The following SQOR variants were observed in gnomAD, a reference collection of about 807,000 sequenced individuals.
The protein encoded by SQOR is sulfide:quinone oxidoreductase, mitochondrial.
A neutral mutation model predicts 48.6 loss-of-function variants in SQOR; 39 were observed. That is an observed-to-expected ratio of 0.80 (90% CI 0.62 to 1.05). The LOEUF (loss-of-function observed/expected upper bound fraction) is 1.05. SQOR is among the 50% of genes least tolerant of loss of function. The probability of loss-of-function intolerance (pLI) is 0.00; values close to 1 mark genes in which losing one functional copy is unlikely to be tolerated. For missense variants in SQOR, 561 were observed against 559.9 expected, an observed-to-expected ratio of 1.00 and a Z score of -0.02; for synonymous variants, 220 against 206.2, an observed-to-expected ratio of 1.07 and a Z score of -0.57.
At chr15:45,653,933 C>G (rs75143634) in intron 1 of SQOR, among the ~76,000 whole-genome samples, 13,792 of 152,042 alleles carry the variant, frequency 0.091, 872 homozygotes, top group Admixed American at 0.19. Flanking sequence ...GCCAGCCTGG[C>G]TAACATGGTG....
At chr15:45,679,739 C>T (rs1850792907) in intron 6 of SQOR, among the ~76,000 whole-genome samples, 1 of 152,168 alleles carries the variant, frequency 6.6e-6, no homozygotes, top group South Asian at 2.1e-4. Flanking sequence ...TAATAGCATT[C>T]TATTTTTCTT....
intron 6 of SQOR, among the ~76,000 whole-genome samples, chr15:45,677,781 G>T (rs1890062688): frequency 6.6e-6 from 1 of 152,178 alleles, no homozygotes; most frequent in Non-Finnish European, 1.5e-5. Flanking sequence ...GCTCACTGCA[G>T]CCTCTGCTTC....
In SQOR at chr15:45,682,515, C is replaced by A. The variant is rs1254471583; in HGVS notation, c.902C>A (p.Pro301Gln). 1.2e-6 allele frequency: 2 copies of A among 1,614,048 alleles called. No individual in the cohort carries two copies. Among genetic ancestry groups the A allele is most frequent in the Non-Finnish European group, 1.7e-6 (2 of 1,180,028 alleles). ...CATGTCACACCTCCAATGAGCCCAC[C>A]AGATGTCCTCAAGACCAGTCCTGTG... ...MLHVTPPMSPPDVLKTSPVAD... is the reference protein window; with the variant it reads ...MLHVTPPMSPQDVLKTSPVAD... Residue 301 changes from proline (P) to glutamine (Q), a missense_variant, in exon 7 of 10, where the codon CCA becomes CAA. By Grantham distance (76) the Pro-to-Gln change is moderately conservative. Coordinates refer to ENST00000260324, the MANE Select transcript of SQOR (RefSeq NM_021199.4).
At chr15:45,643,591 G>GT (rs1895144243) in intron 1 of SQOR, among the ~76,000 whole-genome samples, 1 of 152,204 alleles carries the variant, frequency 6.6e-6, no homozygotes, top group Non-Finnish European at 1.5e-5. Context: ...ATAGCTAAAT[G>GT]TAAGTAATTT....
At chr15:45,655,130 C>T (rs1193822508) in intron 1 of SQOR, among the ~76,000 whole-genome samples, 1 of 152,218 alleles carries the variant, frequency 6.6e-6, no homozygotes, top group Non-Finnish European at 1.5e-5. Context: ...CCGAGGACTT[C>T]CATACCCTCA....
intron 1 of SQOR, among the ~76,000 whole-genome samples, chr15:45,656,533 C>G (rs1210295507): frequency 6.6e-6 from 1 of 151,766 alleles, no homozygotes; most frequent in African/African-American, 2.4e-5. Context: ...CTCAGGTGAT[C>G]CCTCTCTCTC....
intron 1 of SQOR, among the ~76,000 whole-genome samples, chr15:45,642,612 A>T (rs629880): frequency 0.27 from 40,655 of 151,790 alleles, 6,789 homozygotes; most frequent in East Asian, 0.64. Flanking sequence ...CTCTTCCCAG[A>T]GCGCTAGACT....
Position 45,659,060 on chromosome 15 carries a change from T to A in SQOR, c.137T>A (p.Val46Glu). Residue 46 changes from valine to glutamate, a missense_variant, in exon 2 of 10, where the codon GTG (valine) becomes GAG (glutamate). Coordinates refer to ENST00000260324, the MANE Select transcript of SQOR (RefSeq NM_021199.4). ...ASHAARNHYEVLVLGGGSGGI... is the reference protein window; with the variant it reads ...ASHAARNHYEELVLGGGSGGI... The stretch of plus-strand genomic sequence containing the variant: ...CATGCGGCCAGGAACCATTATGAGG[T>A]GCTGGTGCTGGGTGGGGGCAGTGGC... 1 of 1,596,634 alleles carries A rather than the reference T, an allele frequency of 6.3e-7. No individual in the cohort carries two copies.
intron 1 of SQOR, among the ~76,000 whole-genome samples, chr15:45,644,934 TAGGCAAGCC>T (rs1179494080): frequency 2.6e-5 from 4 of 152,282 alleles, no homozygotes; most frequent in South Asian, 2.1e-4. Context: ...GGTGTGGTCA[TAGGCAAGCC>T]AGGCAAGCCA....
intron 5 of SQOR, chr15:45,674,091 A>C (rs1450757321): frequency 2.7e-5 from 10 of 369,944 alleles, no homozygotes; most frequent in Non-Finnish European, 5.0e-5. Flanking sequence ...ATTTAGCTGT[A>C]TTATGTAATA....
rs201481484 is a variant in SQOR, at chr15:45,683,889, TA to T, written c.1048+1229del. 1.6e-3 allele frequency among the ~76,000 whole-genome samples: 210 copies of T among 135,132 alleles called. 1 individual carries two copies. Among genetic ancestry groups the T allele is most frequent in the African/African-American group, 2.6e-3 (105 of 40,092 alleles). 88.7% of individuals were successfully genotyped at this position (135,132 alleles called of 152,430 possible). A position where few individuals can be genotyped will look rare whatever the true frequency, so the allele number is the denominator to read the frequency against. On this transcript the variant is annotated intron_variant, in intron 7 of 9. Coordinates refer to ENST00000260324, the MANE Select transcript of SQOR (RefSeq NM_021199.4). ...GTGTGTGTGTACATATATATATATATATTTTTGTTTGTTTGTTTGTTTGTTT... is the reference window on the plus strand; with the variant it reads ...GTGTGTGTGTACATATATATATATATTTTTTGTTTGTTTGTTTGTTTGTTT...
intron 1 of SQOR, among the ~76,000 whole-genome samples, chr15:45,643,608 A>G (rs750150676): frequency 1.8e-4 from 27 of 152,222 alleles, no homozygotes; most frequent in Non-Finnish European, 2.8e-4. Context: ...ATTTAATCGT[A>G]TATCATTTGC....
chr15:45,635,912 T>G (rs911785954), intron 1 of SQOR, among the ~76,000 whole-genome samples: 12 of 152,102 alleles, frequency 7.9e-5, no homozygotes, highest in African/African-American at 2.9e-4. Flanking sequence ...CTCGGCTCAC[T>G]GCCACCTCCA....
chr15:45,688,703 G>A (rs1890266884), intron 8 of SQOR, among the ~76,000 whole-genome samples: 1 of 152,002 alleles, frequency 6.6e-6, no homozygotes, highest in Admixed American at 6.6e-5. Context: ...AGTAGAGACA[G>A]GGTTTCTCCA....
At chr15:45,650,470 A>G (rs952439906) in intron 1 of SQOR, among the ~76,000 whole-genome samples, 2 of 152,352 alleles carry the variant, frequency 1.3e-5, no homozygotes, top group South Asian at 2.1e-4. Context: ...GTTACAGCAC[A>G]TAAGGGTAAT....
intron 2 of SQOR, among the ~76,000 whole-genome samples, chr15:45,659,494 A>G (rs1471508754): frequency 3.3e-5 from 5 of 152,186 alleles, no homozygotes; most frequent in Non-Finnish European, 7.4e-5. Flanking sequence ...AAACCAAGCT[A>G]TGGGCAAGGC....
intron 9 of SQOR, among the ~76,000 whole-genome samples, chr15:45,689,736 A>G (rs1409017439): frequency 6.6e-6 from 1 of 151,928 alleles, no homozygotes; most frequent in Non-Finnish European, 1.5e-5. Flanking sequence ...CTTTGTTTTT[A>G]TTGTTATGGG....
At chr15:45,653,841 A>G (rs940261914) in intron 1 of SQOR, among the ~76,000 whole-genome samples, 1 of 152,216 alleles carries the variant, frequency 6.6e-6, no homozygotes, top group Non-Finnish European at 1.5e-5. Flanking sequence ...ACCATGGTTT[A>G]AAAGTGGCAT....
chr15:45,659,197 T>C, intron 2 of SQOR, 40 bp downstream of exon 2: 1 of 1,181,110 alleles, frequency 8.5e-7, no homozygotes, highest in East Asian at 2.9e-5. Context: ...TGTGTGTACG[T>C]GTGTGTGTGT....
Sources: allele counts gnomAD v4.1 joint callset (sites outside exome capture counted in the v4.1 genomes callset), GRCh38; gene constraint gnomAD v4.1.1; transcripts MANE v1.5; gene names NCBI Gene and HGNC (gene_info 2026-07-23, HGNC 2026-07-21).